LAP3: variants seen among roughly 807,000 people sequenced by gnomAD.
LAP3 encodes leucine aminopeptidase 3.
A neutral mutation model predicts 58.8 loss-of-function variants in LAP3; 46 were observed. The ratio of observed to expected loss-of-function variants is 0.78; its 90% CI spans 0.62 to 1.00. The LOEUF (loss-of-function observed/expected upper bound fraction) is 1.00, where lower values mean the gene tolerates loss of function less well. Among genes scored for constraint, LAP3 ranks in the 50% least tolerant of loss-of-function variants. The pLI is 0.00. For synonymous variants in LAP3, 257 were observed against 237.7 expected (o/e 1.08, Z -0.75); for missense variants, 615 against 659.1 (o/e 0.93, Z 0.73).
At position 17,607,831 on chromosome 4, in the gene LAP3, G is replaced by A. The variant is rs1435713102; in HGVS notation, c.*242G>A. 1 of 338,298 alleles carries A rather than the reference G, an allele frequency of 3.0e-6. No homozygotes were observed. The highest frequency in any genetic ancestry group is 2.1e-5 in the African/African-American group (1 of 47,100). The allele number at this position is 338,298 out of a possible 1,614,324, so 21.0% of individuals were successfully genotyped here. ...ACTCTATAAATGATTAAAATTTTTAGAACTTCCTAATCACTTTTCAGAGTA... is the reference window on the plus strand; with the variant it reads ...ACTCTATAAATGATTAAAATTTTTAAAACTTCCTAATCACTTTTCAGAGTA... On this transcript the variant is annotated 3_prime_UTR_variant, in exon 13 of 13. Transcript: ENST00000226299.
intron 7 of LAP3, among the ~76,000 whole-genome samples, chr4:17,591,895 T>G (rs1713696276): frequency 6.6e-6 from 1 of 152,116 alleles, no homozygotes; most frequent in Non-Finnish European, 1.5e-5. Flanking sequence ...CCAAACAGAA[T>G]GACGTGAGAT....
chr4:17,581,494 C>T (rs1351817075), intron 2 of LAP3, among the ~76,000 whole-genome samples: 3 of 151,842 alleles, frequency 2.0e-5, no homozygotes, highest in East Asian at 1.9e-4. Flanking sequence ...ATCCTAGCAC[C>T]TCGGGAGGCT....
intron 5 of LAP3, among the ~76,000 whole-genome samples, chr4:17,584,536 G>C (rs1201803454): frequency 1.3e-5 from 2 of 152,236 alleles, no homozygotes; most frequent in Admixed American, 1.3e-4. Flanking sequence ...AAGGTCTTCA[G>C]TTGCCACGTT....
chr4:17,579,755 G>C, intron 1 of LAP3, 69 bp from the exon 2 acceptor site: 1 of 760,192 alleles, frequency 1.3e-6, no homozygotes. Flanking sequence ...CTGGAATTTG[G>C]GGACTCCTGA....
chr4:17,607,356 A>C, intron 12 of LAP3, 44 bp from the exon 13 acceptor site: 1 of 1,551,046 alleles, frequency 6.4e-7, no homozygotes, highest in Non-Finnish European at 8.7e-7. Context: ...ATCTCAGTGC[A>C]CATTTACATG....
intron 10 of LAP3, among the ~76,000 whole-genome samples, chr4:17,600,305 T>A (rs554438869): frequency 3.9e-5 from 6 of 152,112 alleles, no homozygotes; most frequent in Non-Finnish European, 7.4e-5. Context: ...ACAGGTCTAT[T>A]GCTAAGAGTT....
At position 17,591,242 on chromosome 4, in the gene LAP3, A is replaced by G. The variant is rs573139399; in HGVS notation, c.863+2265A>G. Among the ~76,000 whole-genome samples, 265 of 151,852 alleles carry G rather than the reference A, an allele frequency of 1.7e-3. 1 individual carries two copies. The highest frequency in any genetic ancestry group is 6.0e-3 in the African/African-American group (247 of 41,404). On this transcript the variant is annotated intron_variant, in intron 7 of 12. Transcript: ENST00000226299. ...CAGGTGCCTGCTACCACTCCTGGCTAATTTTTTTTGTATTTTTAGTCCCGA... is the reference window on the plus strand; with the variant it reads ...CAGGTGCCTGCTACCACTCCTGGCTGATTTTTTTTGTATTTTTAGTCCCGA...
rs1470300232 is a variant in LAP3, at chr4:17,577,409, C to T, written c.-57C>T. 7 of 1,367,582 alleles carry T rather than the reference C, an allele frequency of 5.1e-6. No individual in the cohort carries two copies. Among genetic ancestry groups the T allele is most frequent in the South Asian group, 1.4e-5 (1 of 70,746 alleles). The allele number at this position is 1,367,582 out of a possible 1,614,324, so 84.7% of individuals were successfully genotyped here. On this transcript the variant is annotated 5_prime_UTR_variant, in exon 1 of 13. Transcript: ENST00000226299. ...CGAAAGCCCCGCCCCAAGGCGCGCC[C>T]GCCCACCGCTCTCCACGTGCTCGCT...
At chr4:17,605,348 GTTCAA>G (rs1426364481) in intron 11 of LAP3, among the ~76,000 whole-genome samples, 1 of 152,142 alleles carries the variant, frequency 6.6e-6, no homozygotes, top group Non-Finnish European at 1.5e-5. Flanking sequence ...TTTGGCTGGT[GTTCAA>G]TTCAAGGCCA....
Position 17,577,348 on chromosome 4 carries a change from C to G in LAP3, c.-118C>G. ...CCTAGACGCACGTCCGCTCGCCCGG[C>G]GCCCGAGCCAGTCCGCGCGCACGCC... On this transcript the variant is annotated 5_prime_UTR_variant, in exon 1 of 13. Coordinates refer to ENST00000226299, the MANE Select transcript of LAP3 (RefSeq NM_015907.3). 1.6e-6 allele frequency: 1 copy of G among 611,056 alleles called. No individual in the cohort carries two copies. Among genetic ancestry groups the G allele is most frequent in the Non-Finnish European group, 2.5e-6 (1 of 403,480 alleles). The allele number at this position is 611,056 out of a possible 1,614,324, so 37.9% of individuals were successfully genotyped here.
At position 17,607,640 on chromosome 4, in the gene LAP3, T is replaced by A. The variant is rs768781313; in HGVS notation, c.*51T>A. The A allele has an allele frequency of 7.4e-7, 1 of 1,357,656 alleles. No homozygotes were observed. Among genetic ancestry groups the A allele is most frequent in the South Asian group, 1.6e-5 (1 of 62,372 alleles). The allele number at this position is 1,357,656 out of a possible 1,614,324, so 84.1% of individuals were successfully genotyped here. Reference sequence around the variant, plus strand: ...TCTGTCTTAAATTGGACAGTTGAACTTAAAAGGTTTTTGAATAAATGGATG... The same window carrying A: ...TCTGTCTTAAATTGGACAGTTGAACATAAAAGGTTTTTGAATAAATGGATG... On this transcript the variant is annotated 3_prime_UTR_variant, in exon 13 of 13. Transcript: ENST00000226299.
At chr4:17,590,923 CTTTTT>C (rs533480552) in intron 7 of LAP3, among the ~76,000 whole-genome samples, 1 of 81,206 alleles carries the variant, frequency 1.2e-5, no homozygotes, top group Non-Finnish European at 2.3e-5. Context: ...GAAAGTTAAA[CTTTTT>C]TTTTTTTTTT....
intron 9 of LAP3, among the ~76,000 whole-genome samples, chr4:17,598,245 C>G (rs988428747): frequency 6.6e-6 from 1 of 152,100 alleles, no homozygotes; most frequent in Non-Finnish European, 1.5e-5. Context: ...GCTGTCTGCC[C>G]ACCTCTACCT....
intron 10 of LAP3, 47 bp downstream of exon 10, chr4:17,598,605 C>T (rs748559347): frequency 2.2e-5 from 30 of 1,350,708 alleles, no homozygotes; most frequent in Non-Finnish European, 3.2e-5. Flanking sequence ...AAGTCTTGTT[C>T]GTTGCATGGA....
chr4:17,584,892 G>C, intron 5 of LAP3, 80 bp from the exon 6 acceptor site: 2 of 1,364,286 alleles, frequency 1.5e-6, no homozygotes, highest in Admixed American at 4.2e-5. Context: ...TTTTCTGTAA[G>C]GTAAGAGTGT....
At chr4:17,582,887 G>A (rs182161643) in intron 4 of LAP3, among the ~76,000 whole-genome samples, 47 of 152,290 alleles carry the variant, frequency 3.1e-4, no homozygotes, top group African/African-American at 9.1e-4. Context: ...GCCTAATACC[G>A]TCAAGAGCCA....
At chr4:17,579,692 GCTTT>G (rs1713299834) in intron 1 of LAP3, 128 bp from the exon 2 acceptor site, 1 of 510,800 alleles carries the variant, frequency 2.0e-6, no homozygotes, top group South Asian at 3.0e-5. Context: ...TTCTTTTTTT[GCTTT>G]CTTCTGTCCA....
rs780863391 is a variant in LAP3, at chr4:17,604,703, T to C, written c.1260+36T>C. Reference sequence around the variant, plus strand: ...TATTTGTATATCTAAATTGTAGAGATGGTGAATAAATTATTCTAGCCTTAG... The same window carrying C: ...TATTTGTATATCTAAATTGTAGAGACGGTGAATAAATTATTCTAGCCTTAG... On this transcript the variant is annotated intron_variant, in intron 11 of 12. Transcript: ENST00000226299. 4 of 1,432,734 alleles carry C rather than the reference T, an allele frequency of 2.8e-6. No homozygotes were observed. In the South Asian group the frequency reaches 4.6e-5, roughly 16 times the overall value. 88.8% of individuals were successfully genotyped at this position (1,432,734 alleles called of 1,614,324 possible). A position where few individuals can be genotyped will look rare whatever the true frequency, so the allele number is the denominator to read the frequency against.
At position 17,595,654 on chromosome 4, in the gene LAP3, C is replaced by T. The variant is rs141060063; in HGVS notation, c.988+120C>T. The T allele has an allele frequency of 2.6e-4, 306 of 1,167,778 alleles. 2 individuals are homozygous for T. In the African/African-American group the frequency reaches 3.6e-3, roughly 14 times the overall value. 72.3% of individuals were successfully genotyped at this position (1,167,778 alleles called of 1,614,324 possible). A position where few individuals can be genotyped will look rare whatever the true frequency, so the allele number is the denominator to read the frequency against. ...AGATAAGAAATGATTTTTAAATAGT[C>T]ATCAAGCAGTAGCTATTTAGCCCAG... On this transcript the variant is annotated intron_variant, in intron 8 of 12. Coordinates refer to ENST00000226299, the MANE Select transcript of LAP3 (RefSeq NM_015907.3).
Sources: allele counts gnomAD v4.1 joint callset (sites outside exome capture counted in the v4.1 genomes callset), GRCh38; gene constraint gnomAD v4.1.1; transcripts MANE v1.5; gene names NCBI Gene and HGNC (gene_info 2026-07-23, HGNC 2026-07-21).